NSFL1C: variants seen among roughly 807,000 people sequenced by gnomAD.
NSFL1C encodes the protein NSFL1 cofactor.
NSFL1C carries 14 observed loss-of-function variants against 43.1 expected under a neutral mutation model. That is an observed-to-expected ratio of 0.32 (90% CI 0.21 to 0.51). The LOEUF (loss-of-function observed/expected upper bound fraction) is 0.51. NSFL1C is among the 20% of genes least tolerant of loss of function. The pLI is 0.98. For missense variants in NSFL1C, 406 were observed against 472.5 expected (o/e 0.86, Z 1.30); for synonymous variants, 171 against 183.5 (o/e 0.93, Z 0.55).
chr20:1,445,489 G>A (rs967491488), intron 8 of NSFL1C, among the ~76,000 whole-genome samples, 177 bp downstream of exon 8: 1 of 152,158 alleles, frequency 6.6e-6, no homozygotes, highest in African/African-American at 2.4e-5. Context: ...ATGGAAGAGT[G>A]GGGACCAGAA....
rs117825776 is a variant in NSFL1C at position 1,456,277 on chromosome 20, G to A, written c.279-1145C>T. 7.1e-3 allele frequency: 1,094 copies of A among 153,522 alleles called. 11 individuals are homozygous for A. The highest frequency in any genetic ancestry group is 0.012 in the Non-Finnish European group (836 of 68,850). The allele number at this position is 153,522 out of a possible 1,614,324, so 9.5% of individuals were successfully genotyped here. On this transcript the variant is annotated intron_variant, in intron 3 of 8. Transcript: ENST00000216879. ...GTCACTGCCTGGAGGACGTGACTGG[G>A]TGGGAGGAGAACGAGAAAGACATTT... is the stretch of plus-strand genomic sequence containing the variant.
intron 1 of NSFL1C, among the ~76,000 whole-genome samples, chr20:1,465,794 T>G (rs2090497756): frequency 6.6e-6 from 1 of 152,208 alleles, no homozygotes; most frequent in Non-Finnish European, 1.5e-5. Context: ...TCTGTCTGCT[T>G]GCAATCAGAC....
Position 1,443,341 on chromosome 20 carries a change from T to C in NSFL1C, c.*408A>G, listed in dbSNP as rs1024762270. ...TCCTTCCTCCAGTCATCTGTGGGGC[T>C]GGCGGGTGGGACACACTAGTGAATA... is the stretch of plus-strand genomic sequence containing the variant. On this transcript the variant is annotated 3_prime_UTR_variant, in exon 9 of 9. Coordinates refer to ENST00000216879, the MANE Select transcript of NSFL1C (RefSeq NM_016143.5). 1.3e-5 allele frequency: 2 copies of C among 157,510 alleles called. No individual in the cohort carries two copies. Among genetic ancestry groups the C allele is most frequent in the African/African-American group, 4.8e-5 (2 of 41,514 alleles). 9.8% of individuals were successfully genotyped at this position (157,510 alleles called of 1,614,324 possible).
intron 1 of NSFL1C, among the ~76,000 whole-genome samples, chr20:1,465,285 T>C (rs2090486902): frequency 6.6e-6 from 1 of 152,156 alleles, no homozygotes; most frequent in Admixed American, 6.5e-5. Flanking sequence ...CAGTGAGCTG[T>C]CAAGGGATAA....
chr20:1,448,436 A>T (rs1271286912), intron 7 of NSFL1C, among the ~76,000 whole-genome samples: 1 of 152,328 alleles, frequency 6.6e-6, no homozygotes, highest in East Asian at 1.9e-4. Flanking sequence ...GGTATTTAGG[A>T]AATCCTCCAC....
At chr20:1,454,169 G>T in intron 5 of NSFL1C, 44 bp downstream of exon 5, 2 of 1,490,762 alleles carry the variant, frequency 1.3e-6, no homozygotes, top group South Asian at 1.1e-5. Context: ...AAAAATGGCA[G>T]AACAGTCCAC....
intron 7 of NSFL1C, chr20:1,446,212 C>A: frequency 3.2e-6 from 1 of 309,698 alleles, no homozygotes; most frequent in South Asian, 2.6e-5. Context: ...CAGTTTTAGC[C>A]TCAATGGAGT....
At chr20:1,455,228 C>T in intron 3 of NSFL1C, 96 bp from the exon 4 acceptor site, 2 of 1,351,080 alleles carry the variant, frequency 1.5e-6, no homozygotes. Flanking sequence ...GCAAAGGGTA[C>T]AATGCTTGTC....
chr20:1,466,595 G>T, intron 1 of NSFL1C, 125 bp downstream of exon 1: 3 of 885,028 alleles, frequency 3.4e-6, no homozygotes, highest in Middle Eastern at 3.2e-4. Context: ...GGGACCATGA[G>T]GCCTGGGTCG....
intron 2 of NSFL1C, among the ~76,000 whole-genome samples, chr20:1,458,533 C>G (rs528507439): frequency 3.9e-5 from 6 of 151,970 alleles, no homozygotes; most frequent in Non-Finnish European, 7.4e-5. Flanking sequence ...GCTGCCCTGG[C>G]TTTAATAAAA....
chr20:1,463,519 T>G (rs1251361831), intron 2 of NSFL1C: 1 of 152,236 alleles, frequency 6.6e-6, no homozygotes, highest in Non-Finnish European at 1.5e-5. Flanking sequence ...GAAATATATT[T>G]TAAACCTCAG....
chr20:1,447,757 A>ACCTAT (rs1555793314), intron 7 of NSFL1C, among the ~76,000 whole-genome samples: 1 of 151,740 alleles, frequency 6.6e-6, no homozygotes, highest in African/African-American at 2.4e-5. Context: ...AATAGCTGAT[A>ACCTAT]TCAGTTAAGG....
At chr20:1,454,052 T>C (rs969398840) in intron 5 of NSFL1C, among the ~76,000 whole-genome samples, 161 bp downstream of exon 5, 3 of 152,222 alleles carry the variant, frequency 2.0e-5, no homozygotes, top group African/African-American at 7.2e-5. Flanking sequence ...CTCCTTTGAT[T>C]TTCCAGTAAG....
rs1279769962 is a variant in NSFL1C at position 1,442,521 on chromosome 20, T to C, written c.*1228A>G. On this transcript the variant is annotated 3_prime_UTR_variant, in exon 9 of 9. Coordinates refer to ENST00000216879, the MANE Select transcript of NSFL1C (RefSeq NM_016143.5). ...AAACCAGGAGATCCTGAGTCAGCAC[T>C]GATTCTGTCTCTGGTTTGTTTAATA... 2 of 152,230 alleles carry C rather than the reference T, an allele frequency of 1.3e-5. No homozygotes were observed. The highest frequency in any genetic ancestry group is 6.5e-5 in the Admixed American group (1 of 15,290). The allele number at this position is 152,230 out of a possible 1,614,324, so 9.4% of individuals were successfully genotyped here.
chr20:1,455,952 G>A (rs1252557973), intron 3 of NSFL1C: 7 of 582,064 alleles, frequency 1.2e-5, no homozygotes, highest in African/African-American at 1.1e-4. Context: ...TTTGCAATAG[G>A]CCAGGCATGG....
intron 2 of NSFL1C, among the ~76,000 whole-genome samples, chr20:1,458,708 T>C (rs2090352139): frequency 6.6e-6 from 1 of 152,002 alleles, no homozygotes. Flanking sequence ...GCCAAAGAAC[T>C]AGTGGACAAT....
intron 2 of NSFL1C, among the ~76,000 whole-genome samples, chr20:1,463,639 C>T (rs1179457306): frequency 6.6e-6 from 1 of 152,146 alleles, no homozygotes; most frequent in Non-Finnish European, 1.5e-5. Context: ...AAAACATACA[C>T]TAGAGAGTAG....
At chr20:1,455,678 T>C (rs1460030940) in intron 3 of NSFL1C, 1 of 779,578 alleles carries the variant, frequency 1.3e-6, no homozygotes, top group Non-Finnish European at 2.4e-6. Context: ...TTCCTTGTCT[T>C]TGAAACGGGA....
intron 7 of NSFL1C, among the ~76,000 whole-genome samples, chr20:1,448,034 A>C (rs1460312583): frequency 6.6e-6 from 1 of 152,248 alleles, no homozygotes; most frequent in Non-Finnish European, 1.5e-5. Context: ...CGATGGTTTT[A>C]GAAAAATAAT....
Sources: gnomAD v4.1 joint callset for allele counts (sites outside exome capture counted in the v4.1 genomes callset) on GRCh38, gnomAD v4.1.1 for gene constraint, MANE v1.5 for transcripts, NCBI Gene and HGNC (gene_info 2026-07-23, HGNC 2026-07-21) for gene names.